Variants in CNBD1 observed in about 807,000 individuals in gnomAD.
CNBD1 encodes the protein cyclic nucleotide-binding domain-containing protein 1.
Under a neutral mutation model 54.4 loss-of-function variants are expected in CNBD1, and 71 were observed. The observed-to-expected ratio is 1.30, with a 90% CI of 1.08 to 1.59. The LOEUF (loss-of-function observed/expected upper bound fraction) is 1.59. CNBD1 is among the 40% of genes most tolerant of loss of function. CNBD1 has a pLI of 0.00. For missense variants in CNBD1, 659 were observed against 518.0 expected, an observed-to-expected ratio of 1.27 and a Z score of -2.64; for synonymous variants, 182 against 170.7, an observed-to-expected ratio of 1.07 and a Z score of -0.51.
chr8:86,904,545 A>G (rs1808987270), intron 2 of CNBD1, among the ~76,000 whole-genome samples: 1 of 152,114 alleles, frequency 6.6e-6, no homozygotes, highest in South Asian at 2.1e-4. Flanking sequence ...GTTGGAGTTT[A>G]TGATTATCAA....
At chr8:86,884,295 G>T (rs1328960829) in intron 1 of CNBD1, among the ~76,000 whole-genome samples, 1 of 152,062 alleles carries the variant, frequency 6.6e-6, no homozygotes, top group Non-Finnish European at 1.5e-5. Context: ...TCAATGAACA[G>T]GGACAATCTA....
At chr8:86,940,581 G>A (rs1038955403) in intron 4 of CNBD1, among the ~76,000 whole-genome samples, 6 of 152,262 alleles carry the variant, frequency 3.9e-5, no homozygotes, top group South Asian at 2.1e-4. Flanking sequence ...ACCAAAGATG[G>A]TATTGGATTT....
At chr8:87,250,109 G>C (rs1439931023) in intron 6 of CNBD1, among the ~76,000 whole-genome samples, 1 of 152,082 alleles carries the variant, frequency 6.6e-6, no homozygotes, top group Admixed American at 6.6e-5. Context: ...TTTATAAGGA[G>C]CTCAAACAAC....
Position 87,236,908 on chromosome 8 carries a change from G to GT in CNBD1, c.578-4dup, listed in dbSNP as rs755086876. 102 of 1,576,110 alleles carry GT rather than the reference G, an allele frequency of 6.5e-5. 2 individuals are homozygous for GT. In the South Asian group the frequency reaches 9.4e-4, roughly 15 times the overall value. ...CACACAGTATATATTTTTTGGCTTT[G>GT]TTTTTTTCAGTGGTTGCAAATGATG... On this transcript the variant is annotated splice_polypyrimidine_tract_variant and intron_variant, in intron 5 of 10. Coordinates refer to ENST00000518476, the MANE Select transcript of CNBD1 (RefSeq NM_173538.3).
intron 3 of CNBD1, among the ~76,000 whole-genome samples, chr8:86,928,176 T>C (rs759169104): frequency 1.3e-5 from 2 of 152,166 alleles, no homozygotes; most frequent in Non-Finnish European, 2.9e-5. Context: ...TTTGTTGATA[T>C]CTTGCCAAAG....
chr8:87,291,371 A>T (rs1241371826), intron 8 of CNBD1, among the ~76,000 whole-genome samples: 1 of 151,910 alleles, frequency 6.6e-6, no homozygotes, highest in Non-Finnish European at 1.5e-5. Flanking sequence ...ACCAATTGAG[A>T]TTCTATTGCT....
At chr8:87,021,463 T>G (rs1018197354) in intron 4 of CNBD1, among the ~76,000 whole-genome samples, 1 of 152,224 alleles carries the variant, frequency 6.6e-6, no homozygotes, top group Non-Finnish European at 1.5e-5. Context: ...CTTCCAAATT[T>G]GAACTAATTT....
chr8:87,213,892 T>C (rs1336644867), intron 5 of CNBD1, among the ~76,000 whole-genome samples: 3 of 152,166 alleles, frequency 2.0e-5, no homozygotes, highest in African/African-American at 7.2e-5. Flanking sequence ...CTAGATACAA[T>C]CAGGGTACAG....
chr8:87,348,631 C>T (rs185510266), intron 8 of CNBD1, among the ~76,000 whole-genome samples: 3 of 152,196 alleles, frequency 2.0e-5, no homozygotes, highest in Admixed American at 1.3e-4. Flanking sequence ...TGTTCCAAAC[C>T]TGTTTTGGTA....
At chr8:86,916,298 A>C (rs979167874) in intron 3 of CNBD1, among the ~76,000 whole-genome samples, 4 of 152,186 alleles carry the variant, frequency 2.6e-5, no homozygotes, top group African/African-American at 9.6e-5. Context: ...GAAGAGGGCC[A>C]AGTGGGCAAC....
At chr8:87,366,574 G>C (rs1199992125) in intron 10 of CNBD1, among the ~76,000 whole-genome samples, 1 of 152,076 alleles carries the variant, frequency 6.6e-6, no homozygotes, top group African/African-American at 2.4e-5. Flanking sequence ...TAACTCGTTA[G>C]TATCCTTAAT....
intron 4 of CNBD1, among the ~76,000 whole-genome samples, chr8:87,056,334 C>T (rs1456852900): frequency 6.6e-6 from 1 of 152,190 alleles, no homozygotes; most frequent in Non-Finnish European, 1.5e-5. Flanking sequence ...TGCACTTTTG[C>T]CCTGGTTCCA....
chr8:87,403,139 AT>A (rs1392360562), intron 2 of CNBD1, among the ~76,000 whole-genome samples: 1 of 148,790 alleles, frequency 6.7e-6, no homozygotes, highest in Non-Finnish European at 1.5e-5. Context: ...TAAAAAAAAA[AT>A]TGATTTAATT....
chr8:87,228,911 C>A (rs938901092), intron 5 of CNBD1, among the ~76,000 whole-genome samples: 3 of 152,248 alleles, frequency 2.0e-5, no homozygotes, highest in Admixed American at 2.0e-4. Context: ...GGGTAGGACC[C>A]TCCGAGCCAG....
chr8:87,111,315 TA>T (rs1248048870), intron 4 of CNBD1, among the ~76,000 whole-genome samples: 1 of 152,176 alleles, frequency 6.6e-6, no homozygotes, highest in Non-Finnish European at 1.5e-5. Context: ...CAGAAAATTT[TA>T]AAAAACTTAG....
At chr8:86,939,506 G>A in intron 3 of CNBD1, 90 bp from the exon 4 acceptor site, 1 of 841,694 alleles carries the variant, frequency 1.2e-6, no homozygotes. Context: ...TCAAAACAGT[G>A]CATTTATACT....
At chr8:87,120,461 T>A (rs975576134) in intron 4 of CNBD1, among the ~76,000 whole-genome samples, 2 of 152,016 alleles carry the variant, frequency 1.3e-5, no homozygotes, top group African/African-American at 4.8e-5. Context: ...ATCTTCTCTC[T>A]TCTCTCTTGG....
intron 4 of CNBD1, among the ~76,000 whole-genome samples, chr8:87,019,704 C>A (rs1748306084): frequency 1.3e-5 from 2 of 152,132 alleles, no homozygotes; most frequent in South Asian, 4.1e-4. Context: ...ATAGTGAAAC[C>A]CTGTCTCTAC....
At chr8:87,425,975 A>G (rs1253841724) in intron 2 of CNBD1, among the ~76,000 whole-genome samples, 1 of 152,286 alleles carries the variant, frequency 6.6e-6, no homozygotes, top group East Asian at 1.9e-4. Flanking sequence ...AGCGAGACTC[A>G]GTGGGGCAGG....
Sources: gnomAD v4.1 joint callset for allele counts (sites outside exome capture counted in the v4.1 genomes callset) on GRCh38, gnomAD v4.1.1 for gene constraint, MANE v1.5 for transcripts, NCBI Gene and HGNC (gene_info 2026-07-23, HGNC 2026-07-21) for gene names.